Variants in PRKN observed in about 807,000 individuals in gnomAD.
PRKN encodes the protein E3 ubiquitin-protein ligase parkin.
Under a neutral mutation model 59.5 loss-of-function variants are expected in PRKN, and 56 were observed. The observed-to-expected ratio is 0.94, with a 90% confidence interval of 0.76 to 1.18. The LOEUF is 1.18. PRKN is among the 50% of genes most tolerant of loss of function. The probability of loss-of-function intolerance (pLI) is 0.00; values close to 1 mark genes in which losing one functional copy is unlikely to be tolerated. For missense variants in PRKN, 657 were observed against 596.4 expected (o/e 1.10, Z -1.06); for synonymous variants, 250 against 222.1 (o/e 1.13, Z -1.12).
chr6:161,889,199 GT>G (rs1326850411), intron 6 of PRKN, among the ~76,000 whole-genome samples: 1 of 152,138 alleles, frequency 6.6e-6, no homozygotes, highest in Non-Finnish European at 1.5e-5. Context: ...GAGATGTGGG[GT>G]ATCTGAGGGT....
At chr6:162,687,984 T>A (rs987767193) in intron 1 of PRKN, among the ~76,000 whole-genome samples, 4 of 152,128 alleles carry the variant, frequency 2.6e-5, no homozygotes, top group Non-Finnish European at 5.9e-5. Flanking sequence ...GTAAAAAAAA[T>A]TATGGTAATG....
rs369404858 is a variant in PRKN at position 161,497,577 on chromosome 6, T to TCTCTCACACACA, written c.1083+51276_1083+51277insTGTGTGTGAGAG. On this transcript the variant is annotated intron_variant, in intron 9 of 11. Coordinates refer to ENST00000366898, the MANE Select transcript of PRKN (RefSeq NM_004562.3). The surrounding 1 kb of genome is among the most constrained non-coding windows in gnomAD (Gnocchi z 4.6). ...ATGTCTCTCTCTCTCTCTCTCTCTC[T>TCTCTCACACACA]CACACACACACACACACACACCATA... Among the ~76,000 whole-genome samples the TCTCTCACACACA allele has an allele frequency of 2.7e-5, 4 of 147,478 alleles. No homozygotes were observed. The highest frequency in any genetic ancestry group is 2.5e-5 in the African/African-American group (1 of 39,800).
At chr6:161,711,366 A>C (rs984573308) in intron 7 of PRKN, among the ~76,000 whole-genome samples, 2 of 152,212 alleles carry the variant, frequency 1.3e-5, no homozygotes, top group African/African-American at 4.8e-5. Context: ...ACATGAATTA[A>C]TACATATAGA....
At chr6:161,845,145 T>C (rs892612982) in intron 6 of PRKN, among the ~76,000 whole-genome samples, 1 of 152,084 alleles carries the variant, frequency 6.6e-6, no homozygotes, top group Admixed American at 6.6e-5. Context: ...CAGTAAACAT[T>C]TAAAGTGGGA....
In PRKN at chr6:161,417,949, G is replaced by A. The variant is rs1220050005; in HGVS notation, c.1084-31072C>T. Among the ~76,000 whole-genome samples the A allele has an allele frequency of 2.0e-5, 3 of 152,304 alleles. No individual in the cohort carries two copies. Among genetic ancestry groups the A allele is most frequent in the Non-Finnish European group, 4.4e-5 (3 of 68,038 alleles). ...AGGGGCATGAGTAATGCTGGGAGCT[G>A]CAGGCTGGCTTCCCACGCTCCCTCC... On this transcript the variant is annotated intron_variant, in intron 9 of 11. Transcript: ENST00000366898. The surrounding 1 kb of genome is among the most constrained non-coding windows in gnomAD (Gnocchi z 5.4).
At chr6:162,364,639 A>G (rs1307100851) in intron 2 of PRKN, among the ~76,000 whole-genome samples, 2 of 152,156 alleles carry the variant, frequency 1.3e-5, no homozygotes, top group Non-Finnish European at 2.9e-5. Flanking sequence ...ATGGCCAGAC[A>G]GCAACCTTTA....
chr6:161,377,807 G>A lies in PRKN; in HGVS notation c.1167+8987C>T, dbSNP rs1250801342. Among the ~76,000 whole-genome samples, 2 of 152,144 alleles carry A rather than the reference G, an allele frequency of 1.3e-5. No individual in the cohort carries two copies. Among genetic ancestry groups the A allele is most frequent in the Non-Finnish European group, 2.9e-5 (2 of 68,042 alleles). ...GTCTTGCCCCTTCTACCATGTGAGG[G>A]TATAGCTAGAAGACGTCATCTACAA... On this transcript the variant is annotated intron_variant, in intron 10 of 11. Transcript: ENST00000366898. The surrounding 1 kb of genome is among the most constrained non-coding windows in gnomAD (Gnocchi z 4.2).
At chr6:161,640,014 G>A (rs1488040052) in intron 7 of PRKN, among the ~76,000 whole-genome samples, 2 of 152,198 alleles carry the variant, frequency 1.3e-5, no homozygotes, top group Admixed American at 1.3e-4. Context: ...GGGGGCTTGA[G>A]TCCTTCAAGA....
Position 162,675,108 on chromosome 6 carries a change from G to A in PRKN, c.7+52554C>T, listed in dbSNP as rs571502189. On this transcript the variant is annotated intron_variant, in intron 1 of 11. Transcript: ENST00000366898. ...TGTTGCCCGGCTGGAGTGCAGTGGC[G>A]CGATCTTGGCTCACTGCAACCTCTG... Among the ~76,000 whole-genome samples, 250 of 147,172 alleles carry A rather than the reference G, an allele frequency of 1.7e-3. 1 individual carries two copies. The highest frequency in any genetic ancestry group is 6.7e-4 in the Non-Finnish European group (45 of 67,242).
rs373942233 is a variant in PRKN, at chr6:162,713,493, CA to C, written c.7+14168del. On this transcript the variant is annotated intron_variant, in intron 1 of 11. Coordinates refer to ENST00000366898, the MANE Select transcript of PRKN (RefSeq NM_004562.3). ...TGGGCAACAGAGTGAGACTCCACCT[CA>C]AAAAAAAAAAAAAAAAAAAAATTAG... is the stretch of plus-strand genomic sequence containing the variant. 5.7e-3 allele frequency among the ~76,000 whole-genome samples: 460 copies of C among 80,858 alleles called. 2 individuals carry two copies. The highest frequency in any genetic ancestry group is 0.021 in the African/African-American group (412 of 19,382). The allele number at this position is 80,858 out of a possible 152,430, so 53.0% of individuals were successfully genotyped here. A position where few individuals can be genotyped will look rare whatever the true frequency, so the allele number is the denominator to read the frequency against.
intron 9 of PRKN, among the ~76,000 whole-genome samples, chr6:161,532,141 ACTCT>A (rs773618878): frequency 4.1e-4 from 55 of 134,448 alleles, no homozygotes; most frequent in South Asian, 4.0e-3. Context: ...TCTGTCTTGC[ACTCT>A]CTCTCTCTCT....
At chr6:162,234,935 T>C (rs2023069) in intron 3 of PRKN, among the ~76,000 whole-genome samples, 63,633 of 152,120 alleles carry the variant, frequency 0.42, 15,227 homozygotes, top group East Asian at 0.78. Context: ...GATATTAATG[T>C]CCCTTCCAGT....
chr6:161,517,981 C>T (rs1778677479), intron 9 of PRKN, among the ~76,000 whole-genome samples: 1 of 150,634 alleles, frequency 6.6e-6, no homozygotes, highest in Admixed American at 6.6e-5. Context: ...GTAAAGCACA[C>T]ATGAAATCAA....
Position 161,497,870 on chromosome 6 carries a change from G to A in PRKN, c.1083+50984C>T, listed in dbSNP as rs1473213014. Among the ~76,000 whole-genome samples, 8 of 152,158 alleles carry A rather than the reference G, an allele frequency of 5.3e-5. 1 individual carries two copies. Among genetic ancestry groups the A allele is most frequent in the Admixed American group, 2.6e-4 (4 of 15,276 alleles). ...CTCCCAAGGTGTCTCAAATAGAAAGGCTTGTTCCTGATGCTTTCCAATTAT... is the reference window on the plus strand; with the variant it reads ...CTCCCAAGGTGTCTCAAATAGAAAGACTTGTTCCTGATGCTTTCCAATTAT... On this transcript the variant is annotated intron_variant, in intron 9 of 11. Coordinates refer to ENST00000366898, the MANE Select transcript of PRKN (RefSeq NM_004562.3). This position sits in a 1 kb window ranked among gnomAD's most constrained non-coding sequence, Gnocchi z 4.6.
intron 1 of PRKN, among the ~76,000 whole-genome samples, chr6:162,524,163 C>T (rs1386539520): frequency 2.6e-5 from 4 of 152,110 alleles, no homozygotes; most frequent in African/African-American, 9.7e-5. Context: ...ATTTAAAAAT[C>T]TTTTAGCCCT....
intron 8 of PRKN, among the ~76,000 whole-genome samples, chr6:161,558,415 A>G (rs950137801): frequency 1.1e-4 from 17 of 152,002 alleles, no homozygotes; most frequent in African/African-American, 4.1e-4. Flanking sequence ...TTAAAAAAAA[A>G]TTACCTGGGC....
intron 1 of PRKN, among the ~76,000 whole-genome samples, chr6:162,527,541 A>ATAGGTTTC (rs879405563): frequency 6.6e-6 from 1 of 152,238 alleles, no homozygotes; most frequent in Non-Finnish European, 1.5e-5. Flanking sequence ...CTATCAGCAT[A>ATAGGTTTC]TAGGTTTCTA....
At chr6:162,435,193 T>G (rs1036608575) in intron 2 of PRKN, among the ~76,000 whole-genome samples, 2 of 152,212 alleles carry the variant, frequency 1.3e-5, no homozygotes, top group African/African-American at 2.4e-5. Flanking sequence ...GTTAAGAGTT[T>G]GGAGATTGGA....
intron 1 of PRKN, among the ~76,000 whole-genome samples, chr6:162,450,242 T>G (rs1230626494): frequency 6.6e-6 from 1 of 151,130 alleles, no homozygotes; most frequent in African/African-American, 2.5e-5. Context: ...TGACAGTAAA[T>G]CCCCTGTGAA....
Sources: gnomAD v4.1 joint callset for allele counts (sites outside exome capture counted in the v4.1 genomes callset) on GRCh38, gnomAD v4.1.1 for gene constraint, Gnocchi (gnomAD v3.1) non-coding constraint, MANE v1.5 for transcripts, NCBI Gene and HGNC (gene_info 2026-07-23, HGNC 2026-07-21) for gene names.